The following PRRG2 variants were observed in gnomAD, a reference collection of about 807,000 sequenced individuals.
The protein encoded by PRRG2 is proline rich and Gla domain 2, also known as transmembrane gamma-carboxyglutamic acid protein 2.
PRRG2 carries 23 observed loss-of-function variants against 27.1 expected under a neutral mutation model. That is an observed-to-expected ratio of 0.85 (90% CI 0.61 to 1.20). The LOEUF is 1.20. PRRG2 is among the 50% of genes most tolerant of loss of function. The probability of loss-of-function intolerance (pLI) is 0.00; values close to 1 mark genes in which losing one functional copy is unlikely to be tolerated. For synonymous variants in PRRG2, 104 were observed against 103.4 expected (o/e 1.01, Z -0.03); for missense variants, 276 against 254.8 (o/e 1.08, Z -0.57).
rs1476665675 is a variant in PRRG2 at position 49,590,604 on chromosome 19, C to T, written c.*215C>T. 2 of 634,276 alleles carry T rather than the reference C, an allele frequency of 3.2e-6. No individual in the cohort carries two copies. Among genetic ancestry groups the T allele is most frequent in the Non-Finnish European group, 5.4e-6 (2 of 368,696 alleles). The allele number at this position is 634,276 out of a possible 1,614,324, so 39.3% of individuals were successfully genotyped here. Reference sequence around the variant, plus strand: ...AACGTGTTCCCGTGTCCTGGCCCCTCACGGGCCCCCACACTCTCCTGACCG... The same window carrying T: ...AACGTGTTCCCGTGTCCTGGCCCCTTACGGGCCCCCACACTCTCCTGACCG... On this transcript the variant is annotated 3_prime_UTR_variant, in exon 7 of 7. Transcript: ENST00000246794.
In PRRG2 at chr19:49,588,529, G is replaced by A. The variant is rs1460488108; in HGVS notation, c.334G>A (p.Val112Met). 1.3e-6 allele frequency: 2 copies of A among 1,587,382 alleles called. No homozygotes were observed. The highest frequency in any genetic ancestry group is 1.7e-6 in the Non-Finnish European group (2 of 1,167,198). The change falls in exon 5 of 7, where the codon GTG (valine) becomes ATG (methionine). Residue 112 changes from valine to methionine, a missense_variant. By Grantham distance (21) the Val-to-Met change is conservative (BLOSUM62 1). Coordinates refer to ENST00000246794, the MANE Select transcript of PRRG2 (RefSeq NM_000951.3). ...RGRVDVASLAVGLTGGILLIV... is the reference protein window; with the variant it reads ...RGRVDVASLAMGLTGGILLIV... ...ACGAGTGGATGTGGCCAGCCTGGCT[G>A]TGGGGCTGACAGGTGGCATCCTGCT... is the stretch of plus-strand genomic sequence containing the variant.
intron 4 of PRRG2, among the ~76,000 whole-genome samples, chr19:49,587,593 C>T (rs538479398): frequency 9.3e-5 from 14 of 150,092 alleles, no homozygotes; most frequent in South Asian, 4.2e-4. Context: ...TCAAGTCATT[C>T]GCCTGCCTCA....
intron 4 of PRRG2, among the ~76,000 whole-genome samples, chr19:49,587,880 A>G (rs1215504098): frequency 2.6e-5 from 4 of 151,792 alleles, no homozygotes; most frequent in Admixed American, 1.3e-4. Flanking sequence ...CAGCCTCCCA[A>G]TGTTCTGGGA....
chr19:49,581,569 T>C (rs1428667882), intron 1 of PRRG2, 88 bp downstream of exon 1: 1 of 151,268 alleles, frequency 6.6e-6, no homozygotes, highest in East Asian at 1.9e-4. Context: ...AGTTTGGGGC[T>C]CCTAGGCCCA....
In PRRG2 at chr19:49,590,567, C is replaced by A. The variant is rs983735865; in HGVS notation, c.*178C>A. The A allele has an allele frequency of 7.5e-5, 63 of 839,556 alleles. 1 individual carries two copies. Among genetic ancestry groups the A allele is most frequent in the Non-Finnish European group, 1.0e-4 (55 of 531,290 alleles). 52.0% of individuals were successfully genotyped at this position (839,556 alleles called of 1,614,324 possible). ...CGTTTCCGCCGCGTATGGATATACA[C>A]ATGTTTTCGGCAACGTGTTCCCGTG... is the stretch of plus-strand genomic sequence containing the variant. On this transcript the variant is annotated 3_prime_UTR_variant, in exon 7 of 7. Coordinates refer to ENST00000246794, the MANE Select transcript of PRRG2 (RefSeq NM_000951.3).
At chr19:49,581,905 T>G (rs1302441812) in intron 1 of PRRG2, among the ~76,000 whole-genome samples, 1 of 152,008 alleles carries the variant, frequency 6.6e-6, no homozygotes, top group East Asian at 1.9e-4. Flanking sequence ...CTATATTACC[T>G]CTCTGTGCCT....
At chr19:49,586,562 T>C (rs2122245389) in intron 4 of PRRG2, among the ~76,000 whole-genome samples, 1 of 151,340 alleles carries the variant, frequency 6.6e-6, no homozygotes, top group Admixed American at 6.6e-5. Flanking sequence ...ATTAAAAACA[T>C]TTTTTTCCAG....
At position 49,590,928 on chromosome 19, in the gene PRRG2, C is replaced by T. The variant is rs7253815; in HGVS notation, c.*539C>T. The T allele has an allele frequency of 0.025, 3,932 of 154,978 alleles. 163 individuals carry two copies. The highest frequency in any genetic ancestry group is 0.089 in the African/African-American group (3,703 of 41,504). 9.6% of individuals were successfully genotyped at this position (154,978 alleles called of 1,614,324 possible). A position where few individuals can be genotyped will look rare whatever the true frequency, so the allele number is the denominator to read the frequency against. On this transcript the variant is annotated 3_prime_UTR_variant, in exon 7 of 7. Coordinates refer to ENST00000246794, the MANE Select transcript of PRRG2 (RefSeq NM_000951.3). ...CAGGGAGCTGGAGTTGAGCTGTTCC[C>T]CTAAATAAAAACCCTTCGGAAAGGA... is the stretch of plus-strand genomic sequence containing the variant.
intron 4 of PRRG2, among the ~76,000 whole-genome samples, chr19:49,584,547 C>T (rs964870557): frequency 6.6e-6 from 1 of 152,186 alleles, no homozygotes; most frequent in South Asian, 2.1e-4. Flanking sequence ...TGGCTCACTG[C>T]AGCCTCAACC....
intron 4 of PRRG2, among the ~76,000 whole-genome samples, chr19:49,585,907 C>T (rs1276971318): frequency 6.6e-6 from 1 of 151,846 alleles, no homozygotes; most frequent in Non-Finnish European, 1.5e-5. Flanking sequence ...TGGTGAAACC[C>T]CATCTCTACT....
chr19:49,582,663 C>T (rs570838628), intron 1 of PRRG2, among the ~76,000 whole-genome samples: 3 of 151,842 alleles, frequency 2.0e-5, no homozygotes, highest in Admixed American at 2.0e-4. Flanking sequence ...GTCAGGAGAT[C>T]GAGACCATCC....
Position 49,583,190 on chromosome 19 carries a change from A to C in PRRG2, c.-13-17A>C. On this transcript the variant is annotated splice_polypyrimidine_tract_variant and intron_variant, in intron 1 of 6. Coordinates refer to ENST00000246794, the MANE Select transcript of PRRG2 (RefSeq NM_000951.3). The stretch of plus-strand genomic sequence containing the variant: ...AGGGACTAAGGCCCTTGTCAGCTGT[A>C]ACAAACCTGGTTCTAGGTGTCTGGA... 6.2e-7 allele frequency: 1 copy of C among 1,604,378 alleles called. No homozygotes were observed. Among genetic ancestry groups the C allele is most frequent in the South Asian group, 1.1e-5 (1 of 90,706 alleles).
rs117225796 is a variant in PRRG2 at position 49,588,506 on chromosome 19, G to T, written c.311G>T (p.Arg104Leu). 29 of 1,591,262 alleles carry T rather than the reference G, an allele frequency of 1.8e-5. No homozygotes were observed. The highest frequency in any genetic ancestry group is 4.0e-5 in the African/African-American group (3 of 74,514). Residue 104 changes from arginine to leucine, a missense_variant, in exon 5 of 7, where the codon CGA becomes CTA. Transcript: ENST00000246794. ...YIYNGKGGRG[R>L]VDVASLAVGL... ...CCCTACTTTCCTGCAGGGCGTGGAC[G>T]AGTGGATGTGGCCAGCCTGGCTGTG...
At chr19:49,589,800 A>G in intron 5 of PRRG2, 100 bp from the exon 6 acceptor site, 1 of 1,328,970 alleles carries the variant, frequency 7.5e-7, no homozygotes. Context: ...GCTCTGTCCC[A>G]GTGTCACCCT....
Position 49,588,478 on chromosome 19 carries a change from C to T in PRRG2, c.302-19C>T. 2 of 1,583,908 alleles carry T rather than the reference C, an allele frequency of 1.3e-6. No homozygotes were observed. The highest frequency in any genetic ancestry group is 1.7e-6 in the Non-Finnish European group (2 of 1,166,048). Reference sequence around the variant, plus strand: ...GGCAGTCCCCGAGACAGTGTCTCCCCTTCCCTACTTTCCTGCAGGGCGTGG... The same window carrying T: ...GGCAGTCCCCGAGACAGTGTCTCCCTTTCCCTACTTTCCTGCAGGGCGTGG... On this transcript the variant is annotated intron_variant, in intron 4 of 6. Coordinates refer to ENST00000246794, the MANE Select transcript of PRRG2 (RefSeq NM_000951.3).
In PRRG2 at chr19:49,583,264, C is replaced by T. The variant is rs777481547; in HGVS notation, c.45C>T (p.Thr15=). 1 of 1,614,176 alleles carries T rather than the reference C, an allele frequency of 6.2e-7. No individual in the cohort carries two copies. The highest frequency in any genetic ancestry group is 8.5e-7 in the Non-Finnish European group (1 of 1,180,030). Residue 15 remains threonine (T), a synonymous_variant, in exon 2 of 7, where the codon ACC becomes ACT. Transcript: ENST00000246794. ...TGCTGCTGCTATATATGGCATTAAC[C>T]ACCTGCCTGGATACTTCACCCAGTG... ...PSLLLLYMAL[T]TCLDTSPSEE...
rs894428280 is a variant in PRRG2 at position 49,590,429 on chromosome 19, T to G, written c.*40T>G. 6 of 1,613,268 alleles carry G rather than the reference T, an allele frequency of 3.7e-6. No homozygotes were observed. The African/African-American group carries it at 4.0e-5, about 11-fold the overall frequency. On this transcript the variant is annotated 3_prime_UTR_variant, in exon 7 of 7. Transcript: ENST00000246794. ...GACCCGGCTCTCCGAACCGTGCCCC[T>G]GATTCATACCGGATTCCGGAAGCCG...
intron 5 of PRRG2, among the ~76,000 whole-genome samples, 159 bp downstream of exon 5, chr19:49,588,791 C>G (rs930270957): frequency 4.6e-5 from 7 of 152,148 alleles, no homozygotes; most frequent in Non-Finnish European, 8.8e-5. Flanking sequence ...TGGCTTGTGT[C>G]TGGTTTTGGC....
At chr19:49,584,820 G>A (rs1350866128) in intron 4 of PRRG2, among the ~76,000 whole-genome samples, 3 of 152,014 alleles carry the variant, frequency 2.0e-5, no homozygotes, top group Non-Finnish European at 4.4e-5. Flanking sequence ...GGAGGGAAAG[G>A]TTAGAGCTGT....
Sources: allele counts gnomAD v4.1 joint callset (sites outside exome capture counted in the v4.1 genomes callset), GRCh38; gene constraint gnomAD v4.1.1; transcripts MANE v1.5; gene names NCBI Gene and HGNC (gene_info 2026-07-23, HGNC 2026-07-21).